Variants in MAP7 observed in about 807,000 individuals in gnomAD.
MAP7 encodes ensconsin.
In MAP7, 52 loss-of-function variants were observed where a neutral mutation model predicts 94.8. The observed-to-expected ratio is 0.55, with a 90% confidence interval of 0.44 to 0.69. The LOEUF (loss-of-function observed/expected upper bound fraction) is 0.69. Ranked by LOEUF, MAP7 falls within the 30% of genes least tolerant of loss-of-function variation. The pLI is 0.00. For missense variants in MAP7, 940 were observed against 964.6 expected, an observed-to-expected ratio of 0.97 and a Z score of 0.34; for synonymous variants, 350 against 357.0, an observed-to-expected ratio of 0.98 and a Z score of 0.22.
chr6:136,473,946 A>C (rs979542628), intron 1 of MAP7, among the ~76,000 whole-genome samples: 2 of 152,090 alleles, frequency 1.3e-5, no homozygotes, highest in African/African-American at 2.4e-5. Context: ...TTAATAAATC[A>C]GATCAATATT....
At chr6:136,514,266 G>A (rs1824100573) in intron 1 of MAP7, among the ~76,000 whole-genome samples, 1 of 152,182 alleles carries the variant, frequency 6.6e-6, no homozygotes, top group Non-Finnish European at 1.5e-5. Context: ...AATGGATGTT[G>A]TGATGGCAGG....
chr6:136,415,121 AT>A (rs1225630417), intron 2 of MAP7, among the ~76,000 whole-genome samples: 6 of 151,764 alleles, frequency 4.0e-5, no homozygotes, highest in African/African-American at 7.3e-5. Context: ...AATTAAAAAA[AT>A]TTTTTTTGTA....
At chr6:136,380,394 T>G (rs1453944931) in intron 6 of MAP7, among the ~76,000 whole-genome samples, 2 of 152,330 alleles carry the variant, frequency 1.3e-5, no homozygotes, top group Admixed American at 6.5e-5. Flanking sequence ...ACATGAAGTA[T>G]TCTATATTTT....
chr6:136,498,264 G>C (rs1818863833), intron 1 of MAP7, among the ~76,000 whole-genome samples: 1 of 152,022 alleles, frequency 6.6e-6, no homozygotes, highest in African/African-American at 2.4e-5. Flanking sequence ...CTGCCTTTTA[G>C]AGGAACACTT....
chr6:136,359,881 CGAA>C lies in MAP7; in HGVS notation c.1855-7_1855-5del, dbSNP rs1792041716. On this transcript the variant is annotated splice_region_variant and splice_polypyrimidine_tract_variant and intron_variant, in intron 14 of 17. Transcript: ENST00000354570. ...CGTTTCTCTGATCACTGGTTTTCTA[CGAA>C]GAAGAAAAAAAGAGGACTTTTAAAA... 1.2e-6 allele frequency: 2 copies of C among 1,611,744 alleles called. No individual in the cohort carries two copies. The highest frequency in any genetic ancestry group is 1.3e-5 in the African/African-American group (1 of 74,550).
At chr6:136,426,094 A>G (rs889018434) in intron 1 of MAP7, among the ~76,000 whole-genome samples, 9 of 152,140 alleles carry the variant, frequency 5.9e-5, no homozygotes, top group African/African-American at 1.7e-4. Context: ...CTGAAATACT[A>G]TCTGTACATC....
At chr6:136,370,164 T>C (rs923853402) in intron 8 of MAP7, among the ~76,000 whole-genome samples, 2 of 152,182 alleles carry the variant, frequency 1.3e-5, no homozygotes, top group Non-Finnish European at 2.9e-5. Flanking sequence ...AACAAGCATA[T>C]GAAAATATGT....
intron 3 of MAP7, among the ~76,000 whole-genome samples, chr6:136,396,238 G>C (rs1402850317): frequency 6.6e-6 from 1 of 151,920 alleles, no homozygotes; most frequent in East Asian, 1.9e-4. Context: ...TTTTTCATCA[G>C]TGTTTTCAGT....
At chr6:136,457,694 T>TA (rs1028491839) in intron 1 of MAP7, among the ~76,000 whole-genome samples, 1 of 151,780 alleles carries the variant, frequency 6.6e-6, no homozygotes, top group Non-Finnish European at 1.5e-5. Flanking sequence ...AATGAAGGAT[T>TA]AAAAAAAACA....
At chr6:136,414,282 A>AAAAAAAAAAAAAC (rs1788611256) in intron 2 of MAP7, among the ~76,000 whole-genome samples, 1 of 143,682 alleles carries the variant, frequency 7.0e-6, no homozygotes, top group Non-Finnish European at 1.5e-5. Context: ...AAAAAAAAAA[A>AAAAAAAAAAAAAC]AATTGGTTAA....
chr6:136,435,148 T>A (rs1341705006), intron 1 of MAP7, among the ~76,000 whole-genome samples: 3 of 152,204 alleles, frequency 2.0e-5, no homozygotes, highest in African/African-American at 7.2e-5. Context: ...GGTTGGTGCC[T>A]ACAATAGTAG....
chr6:136,377,368 G>T (rs1442059544), intron 7 of MAP7, among the ~76,000 whole-genome samples: 1 of 152,180 alleles, frequency 6.6e-6, no homozygotes, highest in African/African-American at 2.4e-5. Flanking sequence ...TAACAGACTT[G>T]CGCTTTGATT....
At chr6:136,450,526 T>A (rs1800777754) in intron 1 of MAP7, among the ~76,000 whole-genome samples, 2 of 152,154 alleles carry the variant, frequency 1.3e-5, no homozygotes, top group Non-Finnish European at 2.9e-5. Flanking sequence ...AAGGACTTTT[T>A]AAGATATACC....
At chr6:136,427,111 T>A (rs138994787) in intron 1 of MAP7, among the ~76,000 whole-genome samples, 71 of 152,338 alleles carry the variant, frequency 4.7e-4, no homozygotes, top group African/African-American at 1.6e-3. Context: ...ATGGTGAAAC[T>A]TATGTCTGTC....
intron 1 of MAP7, among the ~76,000 whole-genome samples, chr6:136,483,950 A>G (rs1813771792): frequency 6.6e-6 from 1 of 152,258 alleles, no homozygotes; most frequent in Admixed American, 6.5e-5. Flanking sequence ...AATAAATATG[A>G]AAATTGAGCA....
At chr6:136,450,665 T>TC (rs1800826489) in intron 1 of MAP7, among the ~76,000 whole-genome samples, 1 of 151,818 alleles carries the variant, frequency 6.6e-6, no homozygotes, top group Non-Finnish European at 1.5e-5. Context: ...ACGCCTGTAA[T>TC]CCCAGCTACT....
intron 1 of MAP7, among the ~76,000 whole-genome samples, chr6:136,463,097 C>T (rs949057907): frequency 3.3e-5 from 5 of 151,914 alleles, no homozygotes; most frequent in Non-Finnish European, 5.9e-5. Flanking sequence ...GAAATTTCCA[C>T]CAGAGTTTTA....
chr6:136,501,481 C>T (rs1819807196), intron 1 of MAP7, among the ~76,000 whole-genome samples: 2 of 152,164 alleles, frequency 1.3e-5, no homozygotes, highest in Admixed American at 6.5e-5. Context: ...TCATGGCTTC[C>T]ACATGGTAAG....
chr6:136,482,424 C>A (rs1366979877), intron 1 of MAP7, among the ~76,000 whole-genome samples: 1 of 151,744 alleles, frequency 6.6e-6, no homozygotes, highest in Non-Finnish European at 1.5e-5. Context: ...CATGGTGAAA[C>A]CCCGTCTCTA....
Sources: allele counts gnomAD v4.1 joint callset (sites outside exome capture counted in the v4.1 genomes callset), GRCh38; gene constraint gnomAD v4.1.1; transcripts MANE v1.5; gene names NCBI Gene and HGNC (gene_info 2026-07-23, HGNC 2026-07-21).